Variants in RCBTB1 observed in about 807,000 individuals in gnomAD.
RCBTB1 encodes RCC1 and BTB domain containing protein 1.
A neutral mutation model predicts 62.4 loss-of-function variants in RCBTB1; 46 were observed. The observed-to-expected ratio is 0.74, with a 90% CI of 0.58 to 0.94. RCBTB1 has a LOEUF of 0.94. Ranked by LOEUF, RCBTB1 falls within the 40% of genes least tolerant of loss-of-function variation. RCBTB1 has a pLI of 0.00. For synonymous variants in RCBTB1, 222 were observed against 245.8 expected (o/e 0.90, Z 0.91); for missense variants, 565 against 654.9 (o/e 0.86, Z 1.50).
chr13:49,581,962 C>T (rs530821153), intron 1 of RCBTB1, among the ~76,000 whole-genome samples: 1 of 152,350 alleles, frequency 6.6e-6, no homozygotes, highest in South Asian at 2.1e-4. Flanking sequence ...TGAGTATAAA[C>T]AACTTGTTCA....
At chr13:49,565,471 C>T (rs1350113209) in intron 4 of RCBTB1, among the ~76,000 whole-genome samples, 66 of 151,516 alleles carry the variant, frequency 4.4e-4, no homozygotes, top group African/African-American at 1.4e-3. Flanking sequence ...TCTGCCTGGC[C>T]GCCCATGGTC....
chr13:49,538,813 T>C (rs185997461), intron 12 of RCBTB1, among the ~76,000 whole-genome samples: 1 of 151,782 alleles, frequency 6.6e-6, no homozygotes, highest in Admixed American at 6.6e-5. Flanking sequence ...TGAGTCTTTC[T>C]TTTTGTCTTC....
At chr13:49,551,141 G>A (rs1419110333) in intron 8 of RCBTB1, 185 bp downstream of exon 8, 1 of 567,190 alleles carries the variant, frequency 1.8e-6, no homozygotes, top group Non-Finnish European at 3.0e-6. Flanking sequence ...AGGGAGAAGG[G>A]GGAAGGGGGA....
In RCBTB1 at chr13:49,552,345, CA is replaced by C. The variant is rs3215806; in HGVS notation, c.604-61del. On this transcript the variant is annotated intron_variant, in intron 6 of 12. Transcript: ENST00000378302. ...TAAACTGCTGGTAAGAAGGAAGAGA[CA>C]AAAAAACCAGCCCATCTAAACAAAT... 0.17 allele frequency: 182,039 copies of C among 1,051,376 alleles called. 21,003 individuals carry two copies. The highest frequency in any genetic ancestry group is 0.44 in the African/African-American group (27,161 of 61,760). 65.1% of individuals were successfully genotyped at this position (1,051,376 alleles called of 1,614,324 possible).
chr13:49,544,881 A>G lies in RCBTB1; in HGVS notation c.1046-18T>C, dbSNP rs745573114. On this transcript the variant is annotated intron_variant, in intron 9 of 12. Coordinates refer to ENST00000378302, the MANE Select transcript of RCBTB1 (RefSeq NM_018191.4). ...TTCATGCTCTGAAGGCAACAAACAT[A>G]TATTAATATGGCAAGTTCAAGGAAC... is the stretch of plus-strand genomic sequence containing the variant. 1.9e-6 allele frequency: 3 copies of G among 1,599,338 alleles called. No homozygotes were observed. The highest frequency in any genetic ancestry group is 2.2e-5 in the East Asian group (1 of 44,620).
chr13:49,537,048 G>C (rs749092803), intron 12 of RCBTB1, among the ~76,000 whole-genome samples: 39 of 152,250 alleles, frequency 2.6e-4, no homozygotes, highest in Non-Finnish European at 4.7e-4. Context: ...CCGCCTCTAA[G>C]GGAGTTCTTA....
At chr13:49,579,245 G>A (rs1440213155) in intron 2 of RCBTB1, among the ~76,000 whole-genome samples, 5 of 152,214 alleles carry the variant, frequency 3.3e-5, no homozygotes, top group African/African-American at 1.2e-4. Flanking sequence ...TTTCGAAGAT[G>A]TGCTGAGACA....
chr13:49,567,760 T>C (rs574305551), intron 2 of RCBTB1, among the ~76,000 whole-genome samples: 28 of 152,258 alleles, frequency 1.8e-4, no homozygotes, highest in Middle Eastern at 3.4e-3. Context: ...CAGCACCAAC[T>C]TGGATGACAA....
rs548185001 is a variant in RCBTB1 at position 49,559,519 on chromosome 13, G to A, written c.444+399C>T. Among the ~76,000 whole-genome samples the A allele has an allele frequency of 3.4e-4, 52 of 152,176 alleles. No individual in the cohort carries two copies. The South Asian group carries it at 4.2e-3, about 12-fold the overall frequency. ...AAAATACAAAAAATTAGGCGGGTGT[G>A]GTGGTGGGTGCCTGTAGTCCCAGCT... On this transcript the variant is annotated intron_variant, in intron 5 of 12. Coordinates refer to ENST00000378302, the MANE Select transcript of RCBTB1 (RefSeq NM_018191.4).
At chr13:49,559,189 A>G (rs1962205630) in intron 5 of RCBTB1, among the ~76,000 whole-genome samples, 1 of 152,254 alleles carries the variant, frequency 6.6e-6, no homozygotes, top group Admixed American at 6.5e-5. Context: ...ATATGTATCC[A>G]ATGGAATATT....
chr13:49,564,173 C>T (rs9596150), intron 4 of RCBTB1, among the ~76,000 whole-genome samples: 37,130 of 152,064 alleles, frequency 0.24, 5,850 homozygotes, highest in African/African-American at 0.44. Flanking sequence ...ACCTATCAAC[C>T]TGCATCCCCG....
At chr13:49,551,683 A>G (rs550860973) in intron 7 of RCBTB1, among the ~76,000 whole-genome samples, 5 of 152,254 alleles carry the variant, frequency 3.3e-5, no homozygotes, top group East Asian at 3.9e-4. Context: ...GGCAGATCAC[A>G]AGGTCAGGAG....
intron 9 of RCBTB1, among the ~76,000 whole-genome samples, chr13:49,549,111 G>A (rs1449507752): frequency 5.2e-5 from 7 of 133,430 alleles, no homozygotes; most frequent in African/African-American, 1.2e-4. Flanking sequence ...CAGCCTGGGC[G>A]ACAGAGTGAG....
At chr13:49,584,814 G>C (rs541483621) in intron 1 of RCBTB1, among the ~76,000 whole-genome samples, 48 of 152,242 alleles carry the variant, frequency 3.2e-4, no homozygotes, top group Admixed American at 1.2e-3. Flanking sequence ...AAAACAAAAG[G>C]CCACTTATGC....
chr13:49,551,994 T>C (rs1961400974), intron 7 of RCBTB1, among the ~76,000 whole-genome samples, 184 bp downstream of exon 7: 1 of 151,048 alleles, frequency 6.6e-6, no homozygotes, highest in Admixed American at 6.6e-5. Context: ...GAGCCTGTTT[T>C]GCCAACACCA....
chr13:49,534,292 A>G lies in RCBTB1; in HGVS notation c.1456-30T>C, dbSNP rs756054399. On this transcript the variant is annotated intron_variant, in intron 12 of 12. Transcript: ENST00000378302. ...ACACACAACAAAAATAAAAACAAAA[A>G]TGGCTTTTTTAGGCAACTTTGATTG... is the stretch of plus-strand genomic sequence containing the variant. 5 of 1,599,568 alleles carry G rather than the reference A, an allele frequency of 3.1e-6. No homozygotes were observed. In the East Asian group the frequency reaches 1.1e-4, roughly 36 times the overall value.
In RCBTB1 at chr13:49,567,171, C is replaced by T. The variant is rs766226482; in HGVS notation, c.109G>A (p.Val37Ile). Reference sequence around the variant, plus strand: ...ACTCTTACCTCATCATTGTCAGTAACGTACAGTGCTTCACTGGCTGAGGTG... The same window carrying T: ...ACTCTTACCTCATCATTGTCAGTAATGTACAGTGCTTCACTGGCTGAGGTG... Reference protein sequence around the residue: ...FGTSASEALYVTDNDEVFVFG... With the variant: ...FGTSASEALYITDNDEVFVFG... The change falls in exon 3 of 13, where the codon GTT (valine) becomes ATT (isoleucine). Residue 37 changes from valine to isoleucine, a missense_variant. Coordinates refer to ENST00000378302, the MANE Select transcript of RCBTB1 (RefSeq NM_018191.4). 4.7e-5 allele frequency: 76 copies of T among 1,613,938 alleles called. No individual in the cohort carries two copies. The highest frequency in any genetic ancestry group is 6.0e-5 in the Non-Finnish European group (71 of 1,179,956).
chr13:49,579,160 C>T (rs558915946), intron 2 of RCBTB1, among the ~76,000 whole-genome samples: 74 of 152,272 alleles, frequency 4.9e-4, no homozygotes, highest in African/African-American at 1.7e-3. Context: ...CAGCCTCAAA[C>T]ATTTTTAAAT....
rs1959625513 is a variant in RCBTB1, at chr13:49,532,382, A to G, written c.*1740T>C. 1 of 149,396 alleles carries G rather than the reference A, an allele frequency of 6.7e-6. No individual in the cohort carries two copies. The highest frequency in any genetic ancestry group is 1.5e-5 in the Non-Finnish European group (1 of 67,132). 9.3% of individuals were successfully genotyped at this position (149,396 alleles called of 1,614,324 possible). Reference sequence around the variant, plus strand: ...TTAATTTGTGCTTTTTTTGAAAAAAAGTTTTCAAGTAAGAGCAATAGTAAA... The same window carrying G: ...TTAATTTGTGCTTTTTTTGAAAAAAGGTTTTCAAGTAAGAGCAATAGTAAA... On this transcript the variant is annotated 3_prime_UTR_variant, in exon 13 of 13. Coordinates refer to ENST00000378302, the MANE Select transcript of RCBTB1 (RefSeq NM_018191.4).
Sources: gnomAD v4.1 joint callset for allele counts (sites outside exome capture counted in the v4.1 genomes callset) on GRCh38, gnomAD v4.1.1 for gene constraint, MANE v1.5 for transcripts, NCBI Gene and HGNC (gene_info 2026-07-23, HGNC 2026-07-21) for gene names.